PCDHGB1: variants seen among roughly 807,000 people sequenced by gnomAD.
The protein encoded by PCDHGB1 is protocadherin gamma-B1.
Under a neutral mutation model 56.6 loss-of-function variants are expected in PCDHGB1, and 34 were observed. The observed-to-expected ratio is 0.60, with a 90% confidence interval of 0.46 to 0.80. The LOEUF is 0.80. PCDHGB1 is among the 30% of genes least tolerant of loss of function. PCDHGB1 has a pLI of 0.00. For synonymous variants in PCDHGB1, 561 were observed against 505.9 expected (o/e 1.11, Z -1.46); for missense variants, 1,278 against 1,204.6 (o/e 1.06, Z -0.90).
intron 1 of PCDHGB1, chr5:141,409,276 G>T: frequency 6.2e-7 from 1 of 1,614,000 alleles, no homozygotes; most frequent in Non-Finnish European, 8.5e-7. Flanking sequence ...AGATTTTGGA[G>T]AATTCACCTC....
At chr5:141,472,729 T>G (rs2099294506) in intron 1 of PCDHGB1, among the ~76,000 whole-genome samples, 1 of 152,004 alleles carries the variant, frequency 6.6e-6, no homozygotes. Context: ...CTCACACCTG[T>G]AATCCCAGCA....
At chr5:141,366,046 C>T in intron 1 of PCDHGB1, 1 of 1,614,240 alleles carries the variant, frequency 6.2e-7, no homozygotes, top group Non-Finnish European at 8.5e-7. Context: ...CAGACGGTTC[C>T]ACGGGCGTGG....
chr5:141,372,323 G>T, intron 1 of PCDHGB1: 5 of 1,613,694 alleles, frequency 3.1e-6, no homozygotes, highest in Non-Finnish European at 4.2e-6. Context: ...AGCGCCTGCT[G>T]GTCACTGTGC....
rs545310006 is a variant in PCDHGB1 at position 141,395,123 on chromosome 5, T to C, written c.2409+42454T>C. ...ACTCGCGGAAGAGTCACCTGATCTTTCCCCAGCCCAACTACGCAGACATGC... is the reference window on the plus strand; with the variant it reads ...ACTCGCGGAAGAGTCACCTGATCTTCCCCCAGCCCAACTACGCAGACATGC... On this transcript the variant is annotated intron_variant, in intron 1 of 3. Coordinates refer to ENST00000523390, the MANE Select transcript of PCDHGB1 (RefSeq NM_018922.3). 2.5e-6 allele frequency: 4 copies of C among 1,614,148 alleles called. No homozygotes were observed. In the Admixed American group the frequency reaches 6.7e-5, roughly 27 times the overall value.
chr5:141,360,572 C>T, intron 1 of PCDHGB1: 3 of 1,613,998 alleles, frequency 1.9e-6, no homozygotes, highest in East Asian at 2.2e-5. Flanking sequence ...GGCGAATCCA[C>T]TAAGCCAGGT....
chr5:141,413,838 G>A, intron 1 of PCDHGB1: 1 of 1,613,284 alleles, frequency 6.2e-7, no homozygotes, highest in Non-Finnish European at 8.5e-7. Context: ...CCTCCGACGG[G>A]GGTGACCCTC....
intron 1 of PCDHGB1, chr5:141,383,126 C>T (rs1024955582): frequency 6.2e-7 from 1 of 1,614,062 alleles, no homozygotes; most frequent in African/African-American, 1.3e-5. Context: ...CAGCTTTTCG[C>T]CCTGAACCAG....
At chr5:141,504,352 G>A (rs2099837588) in intron 2 of PCDHGB1, among the ~76,000 whole-genome samples, 3 of 152,016 alleles carry the variant, frequency 2.0e-5, no homozygotes, top group Admixed American at 1.3e-4. Flanking sequence ...TTTGTGCTAG[G>A]TGCTTCAGTA....
chr5:141,436,781 A>C (rs1041532929), intron 1 of PCDHGB1, among the ~76,000 whole-genome samples: 1 of 152,236 alleles, frequency 6.6e-6, no homozygotes, highest in Admixed American at 6.5e-5. Flanking sequence ...TGTGGATGGA[A>C]ATAAAACTGT....
intron 1 of PCDHGB1, chr5:141,426,795 C>G (rs1214340018): frequency 2.2e-6 from 1 of 456,700 alleles, no homozygotes. Context: ...GAGTTACCAG[C>G]TCAGTTCTAA....
intron 1 of PCDHGB1, chr5:141,422,908 C>T (rs1340882515): frequency 2.5e-6 from 4 of 1,614,126 alleles, no homozygotes; most frequent in Non-Finnish European, 3.4e-6. Context: ...CGACAATGCG[C>T]CCGAGATCCT....
rs145897132 is a variant in PCDHGB1, at chr5:141,395,374, T to C, written c.2409+42705T>C. The stretch of plus-strand genomic sequence containing the variant: ...CAGAGTTTTGGGTTTATTTTGGTGG[T>C]GTTACTATAAAATTGAACTCTAATA... On this transcript the variant is annotated intron_variant, in intron 1 of 3. Coordinates refer to ENST00000523390, the MANE Select transcript of PCDHGB1 (RefSeq NM_018922.3). 327 of 1,187,896 alleles carry C rather than the reference T, an allele frequency of 2.8e-4. 1 individual carries two copies. The African/African-American group carries it at 4.3e-3, about 16-fold the overall frequency. The allele number at this position is 1,187,896 out of a possible 1,614,324, so 73.6% of individuals were successfully genotyped here.
chr5:141,361,112 A>C, intron 1 of PCDHGB1: 1 of 1,613,908 alleles, frequency 6.2e-7, no homozygotes, highest in East Asian at 2.2e-5. Flanking sequence ...GATCCTGGAG[A>C]TCTAGCAGCC....
At chr5:141,408,851 G>A in intron 1 of PCDHGB1, 1 of 1,613,574 alleles carries the variant, frequency 6.2e-7, no homozygotes, top group Non-Finnish European at 8.5e-7. Context: ...TGCCTTGGAC[G>A]GAGGGGACCC....
chr5:141,476,123 C>G lies in PCDHGB1; in HGVS notation c.2410-18684C>G. Reference sequence around the variant, plus strand: ...GGAACTGCTTTTGAGTGAGATGGTCCCAGAGGCCTGGAGGAGCGGACTGGT... The same window carrying G: ...GGAACTGCTTTTGAGTGAGATGGTCGCAGAGGCCTGGAGGAGCGGACTGGT... On this transcript the variant is annotated intron_variant, in intron 1 of 3. Coordinates refer to ENST00000523390, the MANE Select transcript of PCDHGB1 (RefSeq NM_018922.3). This position sits in a 1 kb window ranked among gnomAD's most constrained non-coding sequence, Gnocchi z 7.6. 1 of 1,602,442 alleles carries G rather than the reference C, an allele frequency of 6.2e-7. No individual in the cohort carries two copies. The highest frequency in any genetic ancestry group is 8.5e-7 in the Non-Finnish European group (1 of 1,176,022).
intron 1 of PCDHGB1, chr5:141,361,437 C>T: frequency 6.2e-7 from 1 of 1,614,058 alleles, no homozygotes; most frequent in Non-Finnish European, 8.5e-7. Context: ...CCCTCTCCTC[C>T]AGCATAATTG....
At chr5:141,421,429 G>T in intron 1 of PCDHGB1, 1 of 1,614,090 alleles carries the variant, frequency 6.2e-7, no homozygotes, top group Non-Finnish European at 8.5e-7. Flanking sequence ...AGTCCGCATC[G>T]TCTCCAGAGG....
rs2099611311 is a variant in PCDHGB1 at position 141,485,311 on chromosome 5, G to A, written c.2410-9496G>A. 3.1e-6 allele frequency: 5 copies of A among 1,614,174 alleles called. No individual in the cohort carries two copies. The East Asian group carries it at 6.7e-5, about 22-fold the overall frequency. ...AGTCACAGGAAGGGACTTTTGTAGGGAATGTCGCTCAAGATTTCCTGCTGG... is the reference window on the plus strand; with the variant it reads ...AGTCACAGGAAGGGACTTTTGTAGGAAATGTCGCTCAAGATTTCCTGCTGG... On this transcript the variant is annotated intron_variant, in intron 1 of 3. Transcript: ENST00000523390. The surrounding 1 kb of genome is among the most constrained non-coding windows in gnomAD (Gnocchi z 5.7).
chr5:141,420,401 A>G, intron 1 of PCDHGB1: 1 of 1,249,172 alleles, frequency 8.0e-7, no homozygotes. Flanking sequence ...GGTCAAATTT[A>G]TGGTTATCAT....
Sources: allele counts gnomAD v4.1 joint callset (sites outside exome capture counted in the v4.1 genomes callset), GRCh38; gene constraint gnomAD v4.1.1; non-coding constraint Gnocchi (gnomAD v3.1); transcripts MANE v1.5; gene names NCBI Gene and HGNC (gene_info 2026-07-23, HGNC 2026-07-21).